The following DCLRE1C variants were observed in gnomAD, a reference collection of about 807,000 sequenced individuals.
The protein encoded by DCLRE1C is protein artemis.
DCLRE1C carries 47 observed loss-of-function variants against 61.4 expected under a neutral mutation model. That is an observed-to-expected ratio of 0.77 (90% CI 0.61 to 0.98). DCLRE1C has a LOEUF of 0.98. DCLRE1C is among the 50% of genes least tolerant of loss of function. The pLI is 0.00. For missense variants in DCLRE1C, 858 were observed against 816.0 expected, an observed-to-expected ratio of 1.05 and a Z score of -0.63; for synonymous variants, 337 against 287.6, an observed-to-expected ratio of 1.17 and a Z score of -1.74.
At chr10:14,937,640 T>C (rs959829036) in intron 4 of DCLRE1C, among the ~76,000 whole-genome samples, 13 of 152,080 alleles carry the variant, frequency 8.5e-5, no homozygotes, top group East Asian at 1.9e-4. Context: ...CCTGTAATTC[T>C]AGCACTTTGG....
Position 14,908,539 on chromosome 10 carries a change from C to T in DCLRE1C, c.1948G>A (p.Asp650Asn). 6.2e-7 allele frequency: 1 copy of T among 1,614,110 alleles called. No homozygotes were observed. The highest frequency in any genetic ancestry group is 8.5e-7 in the Non-Finnish European group (1 of 1,180,032). Residue 650 changes from aspartate (D) to asparagine (N), a missense_variant, in exon 14 of 14, where the codon GAT (aspartate) becomes AAT (asparagine). Physicochemically the swap from Asp to Asn is conservative, Grantham distance 23 (BLOSUM62 1). Transcript: ENST00000378278. ...STNADSQSSS[D>N]FEVPSTPEAE... ...TCTGGAGTTGAGGGAACTTCAAAAT[C>T]AGAAGAGCTCTGGGAATCTGCATTT...
chr10:14,954,416 A>T (rs1337309374), upstream of DCLRE1C: 1 of 315,904 alleles, frequency 3.2e-6, no homozygotes, highest in Non-Finnish European at 6.3e-6. Flanking sequence ...TGCGCTTAGA[A>T]ATCATTCTTC....
chr10:14,936,146 G>A (rs1839871846), intron 5 of DCLRE1C, among the ~76,000 whole-genome samples: 1 of 151,914 alleles, frequency 6.6e-6, no homozygotes, highest in South Asian at 2.1e-4. Flanking sequence ...CACCTGCCTT[G>A]GCCTCCCAAA....
In DCLRE1C at chr10:14,908,325, C is replaced by T. The variant is rs977426761; in HGVS notation, c.*83G>A. ...CAGGTTATTTGAACATTTTTAAGTA[C>T]TGTATTTTCTCTATTGTAATATTGA... is the stretch of plus-strand genomic sequence containing the variant. On this transcript the variant is annotated 3_prime_UTR_variant, in exon 14 of 14. Transcript: ENST00000378278. 2.7e-5 allele frequency: 30 copies of T among 1,124,916 alleles called. No homozygotes were observed. The highest frequency in any genetic ancestry group is 3.7e-5 in the Non-Finnish European group (28 of 750,378). The allele number at this position is 1,124,916 out of a possible 1,614,324, so 69.7% of individuals were successfully genotyped here.
chr10:14,938,073 TG>T (rs1840263602), intron 4 of DCLRE1C, among the ~76,000 whole-genome samples: 1 of 152,066 alleles, frequency 6.6e-6, no homozygotes, highest in South Asian at 2.1e-4. Flanking sequence ...GGACTCCTCA[TG>T]GAAGTCTCCA....
chr10:14,944,012 A>G (rs1431322755), intron 3 of DCLRE1C, among the ~76,000 whole-genome samples: 1 of 152,090 alleles, frequency 6.6e-6, no homozygotes, highest in Admixed American at 6.6e-5. Context: ...TATTGGACAG[A>G]TGCATTTTAT....
chr10:14,928,671 G>A (rs1838437776), intron 9 of DCLRE1C, among the ~76,000 whole-genome samples: 1 of 152,130 alleles, frequency 6.6e-6, no homozygotes. Context: ...GTACCATGGA[G>A]TCTGTAACTA....
chr10:14,923,107 C>T (rs757358445), intron 11 of DCLRE1C, 38 bp from the exon 12 acceptor site: 19 of 1,480,624 alleles, frequency 1.3e-5, no homozygotes, highest in African/African-American at 4.2e-5. Flanking sequence ...ACAATCTCTA[C>T]GATGAAACAG....
intron 13 of DCLRE1C, among the ~76,000 whole-genome samples, chr10:14,918,336 T>C (rs1455006406): frequency 1.3e-5 from 2 of 152,198 alleles, no homozygotes; most frequent in African/African-American, 4.8e-5. Context: ...TGCAACAACA[T>C]GAATGAATCT....
chr10:14,926,520 G>A (rs1457554300), intron 11 of DCLRE1C, among the ~76,000 whole-genome samples: 2 of 152,052 alleles, frequency 1.3e-5, no homozygotes, highest in Non-Finnish European at 2.9e-5. Context: ...TGGGCATGGT[G>A]GTGGGCACCT....
rs41298894 is a variant in DCLRE1C, at chr10:14,926,987, CA to C, written c.918-91del. 3.1e-3 allele frequency: 3,215 copies of C among 1,041,966 alleles called. 73 individuals carry two copies. The African/African-American group carries it at 0.045, about 15-fold the overall frequency. The allele number at this position is 1,041,966 out of a possible 1,614,324, so 64.5% of individuals were successfully genotyped here. On this transcript the variant is annotated intron_variant, in intron 10 of 13. Coordinates refer to ENST00000378278, the MANE Select transcript of DCLRE1C (RefSeq NM_001033855.3). ...GCCCTTCTCATTTAGGCTATTCTAG[CA>C]TGAAACCACTCTAATGGGCTCGCTT... is the stretch of plus-strand genomic sequence containing the variant.
intron 11 of DCLRE1C, 101 bp from the exon 12 acceptor site, chr10:14,923,170 T>C (rs1313424903): frequency 4.4e-6 from 4 of 899,568 alleles, no homozygotes; most frequent in East Asian, 2.6e-5. Flanking sequence ...AACTCTCTTA[T>C]GGCTGTGGTT....
At chr10:14,949,899 GC>G (rs1324500717) in intron 1 of DCLRE1C, among the ~76,000 whole-genome samples, 3 of 151,848 alleles carry the variant, frequency 2.0e-5, no homozygotes, top group Admixed American at 1.3e-4. Flanking sequence ...ACAAAAATTA[GC>G]CATGAATAGT....
At chr10:14,938,105 C>T (rs1271289786) in intron 4 of DCLRE1C, among the ~76,000 whole-genome samples, 6 of 152,034 alleles carry the variant, frequency 3.9e-5, no homozygotes, top group Non-Finnish European at 7.4e-5. Flanking sequence ...AGGACCCTTT[C>T]GAGTGGGTCT....
Position 14,933,532 on chromosome 10 carries a change from G to C in DCLRE1C, c.679-577C>G, listed in dbSNP as rs528238716. 3.9e-5 allele frequency among the ~76,000 whole-genome samples: 6 copies of C among 152,168 alleles called. No homozygotes were observed. The South Asian group carries it at 6.2e-4, about 16-fold the overall frequency. On this transcript the variant is annotated intron_variant, in intron 8 of 13. Coordinates refer to ENST00000378278, the MANE Select transcript of DCLRE1C (RefSeq NM_001033855.3). ...CAGGCCTGTAATCCAAGCTACTCGG[G>C]AGTCTGAGGCAAGAGAATCACTTGA...
intron 13 of DCLRE1C, among the ~76,000 whole-genome samples, chr10:14,915,101 ATGTTT>A (rs1408518262): frequency 6.6e-6 from 1 of 151,530 alleles, no homozygotes; most frequent in Non-Finnish European, 1.5e-5. Context: ...AAATTTAAAA[ATGTTT>A]TGAATGACAA....
At chr10:14,946,170 C>G (rs1841661776) in intron 2 of DCLRE1C, among the ~76,000 whole-genome samples, 1 of 150,318 alleles carries the variant, frequency 6.7e-6, no homozygotes, top group African/African-American at 2.5e-5. Flanking sequence ...CCACGCCCAG[C>G]TAACTTTTTG....
exon 14 of DCLRE1C, chr10:14,899,128 TG>T (rs1370396715): frequency 6.7e-5 from 45 of 668,050 alleles, no homozygotes; most frequent in Non-Finnish European, 1.1e-4. Flanking sequence ...CAGACCAGTG[TG>T]GGCAACATAG....
intron 1 of DCLRE1C, among the ~76,000 whole-genome samples, chr10:14,952,940 G>C (rs904610059): frequency 6.6e-6 from 1 of 152,186 alleles, no homozygotes; most frequent in Non-Finnish European, 1.5e-5. Flanking sequence ...TGTGAGGAAA[G>C]GCTGTGTTTG....
Sources: allele counts gnomAD v4.1 joint callset (sites outside exome capture counted in the v4.1 genomes callset), GRCh38; gene constraint gnomAD v4.1.1; transcripts MANE v1.5; gene names NCBI Gene and HGNC (gene_info 2026-07-23, HGNC 2026-07-21).